IGF2R: variants seen among roughly 807,000 people sequenced by gnomAD.
IGF2R encodes insulin like growth factor 2 receptor, also known as cation-independent mannose-6-phosphate receptor.
Under a neutral mutation model 270.6 loss-of-function variants are expected in IGF2R, and 91 were observed. The ratio of observed to expected loss-of-function variants is 0.34; its 90% CI spans 0.28 to 0.40. The LOEUF (loss-of-function observed/expected upper bound fraction) is 0.40. Among genes scored for constraint, IGF2R ranks in the 10% least tolerant of loss-of-function variants. IGF2R has a pLI of 1.00. For missense variants in IGF2R, 2,805 were observed against 3,188.3 expected (o/e 0.88, Z 2.90); for synonymous variants, 1,316 against 1,258.9 (o/e 1.05, Z -0.96).
intron 1 of IGF2R, among the ~76,000 whole-genome samples, chr6:159,982,298 G>A (rs1783818263): frequency 6.6e-6 from 1 of 152,182 alleles, no homozygotes; most frequent in East Asian, 1.9e-4. Flanking sequence ...TGCTGGATAT[G>A]TATGAGCTGA....
intron 4 of IGF2R, among the ~76,000 whole-genome samples, chr6:160,016,833 A>T (rs891385453): frequency 6.6e-6 from 1 of 152,266 alleles, no homozygotes; most frequent in Non-Finnish European, 1.5e-5. Flanking sequence ...ACTATGCAAC[A>T]TACATTATAG....
intron 44 of IGF2R, chr6:160,093,442 T>G (rs1483463220): frequency 1.0e-5 from 4 of 395,332 alleles, no homozygotes; most frequent in Non-Finnish European, 1.9e-5. Context: ...GCCTCCACCT[T>G]ACTGCACGAT....
intron 4 of IGF2R, among the ~76,000 whole-genome samples, chr6:160,016,848 A>G (rs77153348): frequency 0.059 from 9,001 of 152,346 alleles, 399 homozygotes; most frequent in Non-Finnish European, 0.083. Flanking sequence ...TTATAGTCAC[A>G]TTCTCAGGGC....
chr6:160,081,532 A>G (rs1778982188), intron 39 of IGF2R, among the ~76,000 whole-genome samples: 1 of 152,208 alleles, frequency 6.6e-6, no homozygotes, highest in Non-Finnish European at 1.5e-5. Context: ...GTGAGGGTTC[A>G]AGAGCAGAGA....
intron 19 of IGF2R, among the ~76,000 whole-genome samples, chr6:160,055,937 A>G (rs1778307216): frequency 6.6e-6 from 1 of 152,164 alleles, no homozygotes; most frequent in African/African-American, 2.4e-5. Context: ...GTGAGTGTCC[A>G]TAAACTACAC....
chr6:160,009,160 ATTTC>A, intron 3 of IGF2R, 26 bp downstream of exon 3: 1 of 1,582,912 alleles, frequency 6.3e-7, no homozygotes, highest in African/African-American at 1.4e-5. Flanking sequence ...CACTTGATGT[ATTTC>A]TTTAAAAAAA....
chr6:160,088,804 T>A (rs935957645), intron 42 of IGF2R, among the ~76,000 whole-genome samples: 1 of 152,250 alleles, frequency 6.6e-6, no homozygotes, highest in Non-Finnish European at 1.5e-5. Context: ...ATTGAATGCT[T>A]GCCTGCTTTG....
intron 29 of IGF2R, among the ~76,000 whole-genome samples, chr6:160,065,814 G>GTGTGTATGTATATATATATATATATATA: frequency 3.8e-5 from 3 of 78,390 alleles, no homozygotes; most frequent in African/African-American, 5.6e-5. Context: ...GTGTGTGTGT[G>GTGTGTATGTATATATATATATATATATA]TATATATATA....
chr6:159,993,746 T>C (rs113784778), intron 2 of IGF2R, among the ~76,000 whole-genome samples: 2,118 of 152,296 alleles, frequency 0.014, 49 homozygotes, highest in African/African-American at 0.049. Context: ...AGGATTGTTT[T>C]TCTAATTCTG....
At chr6:160,087,042 C>G (rs1779111096) in intron 41 of IGF2R, among the ~76,000 whole-genome samples, 1 of 152,168 alleles carries the variant, frequency 6.6e-6, no homozygotes, top group South Asian at 2.1e-4. Context: ...GAGTTGGAAC[C>G]TGGCGGCCAT....
At position 160,069,914 on chromosome 6, in the gene IGF2R, G is replaced by A; in HGVS notation, c.4299G>A (p.Lys1433=). 8 of 1,614,254 alleles carry A rather than the reference G, an allele frequency of 5.0e-6. No individual in the cohort carries two copies. Among genetic ancestry groups the A allele is most frequent in the Non-Finnish European group, 5.9e-6 (7 of 1,180,048 alleles). ...EAAACLLGGS[K]PVNLGRVRDG... The stretch of plus-strand genomic sequence containing the variant: ...CCGCGTGTCTGCTGGGTGGCTCCAA[G>A]CCCGTGAACCTCGGCAGGGTAAGGG... The change falls in exon 31 of 48, where the codon AAG becomes AAA. Residue 1433 remains lysine, a synonymous_variant. Transcript: ENST00000356956.
intron 39 of IGF2R, among the ~76,000 whole-genome samples, chr6:160,081,067 A>G (rs1051341155): frequency 5.9e-5 from 9 of 151,446 alleles, no homozygotes; most frequent in African/African-American, 2.2e-4. Flanking sequence ...CGGAGCTTGC[A>G]GTGAGCCGAG....
chr6:160,042,378 C>T lies in IGF2R; in HGVS notation c.1481-770C>T, dbSNP rs79591131. ...GGGTTTTGCCTTCCAAACCCCAGTACCCAACCTGCAAAGGGAGCATTTTCA... is the reference window on the plus strand; with the variant it reads ...GGGTTTTGCCTTCCAAACCCCAGTATCCAACCTGCAAAGGGAGCATTTTCA... On this transcript the variant is annotated intron_variant, in intron 11 of 47. Transcript: ENST00000356956. Among the ~76,000 whole-genome samples, 870 of 152,312 alleles carry T rather than the reference C, an allele frequency of 5.7e-3. 9 individuals are homozygous for T. Among genetic ancestry groups the T allele is most frequent in the African/African-American group, 0.02 (821 of 41,576 alleles).
intron 19 of IGF2R, among the ~76,000 whole-genome samples, chr6:160,054,500 C>T (rs982345283): frequency 4.6e-5 from 7 of 152,062 alleles, no homozygotes; most frequent in East Asian, 1.9e-4. Flanking sequence ...AAGGGATGGA[C>T]GTTGTCAGGT....
rs963040655 is a variant in IGF2R, at chr6:160,032,876, G to T, written c.1046-66G>T. The T allele has an allele frequency of 5.0e-5, 71 of 1,421,320 alleles. No individual in the cohort carries two copies. In the East Asian group the frequency reaches 1.6e-3, roughly 32 times the overall value. 88.0% of individuals were successfully genotyped at this position (1,421,320 alleles called of 1,614,324 possible). ...ATAGGATTCAGGTTTGACTAAGTAA[G>T]ACTGTAATCTTCTAATACCTATTCA... On this transcript the variant is annotated intron_variant, in intron 8 of 47. Coordinates refer to ENST00000356956, the MANE Select transcript of IGF2R (RefSeq NM_000876.4).
At position 160,061,617 on chromosome 6, in the gene IGF2R, A is replaced by G. The variant is rs151180572; in HGVS notation, c.3377A>G (p.Asn1126Ser). Residue 1126 changes from asparagine to serine, a missense_variant, in exon 24 of 48, where the codon AAT becomes AGT. Physicochemically the swap from Asn to Ser is conservative, Grantham distance 46. Around this residue, in one of 2 missense-constraint regions of IGF2R, gnomAD observed 1,851 missense variants for 2,207.2 expected, o/e 0.84. Coordinates refer to ENST00000356956, the MANE Select transcript of IGF2R (RefSeq NM_000876.4). ...RKRTFYLSVC[N>S]PLPYIPGCQG... ...AGGACTTTCTATTTGAGCGTTTGCA[A>G]TCCTCTCCCTTACATTCCTGGATGC... is the stretch of plus-strand genomic sequence containing the variant. 3.4e-3 allele frequency: 5,493 copies of G among 1,614,154 alleles called. 19 individuals are homozygous for G. The highest frequency in any genetic ancestry group is 4.0e-3 in the Non-Finnish European group (4,756 of 1,180,010).
intron 37 of IGF2R, among the ~76,000 whole-genome samples, chr6:160,078,870 A>G (rs1183094032): frequency 1.3e-5 from 2 of 152,178 alleles, no homozygotes; most frequent in African/African-American, 2.4e-5. Flanking sequence ...ATGCCATGCC[A>G]GAGCCCTGGC....
At position 160,043,269 on chromosome 6, in the gene IGF2R, C is replaced by T. The variant is rs772153107; in HGVS notation, c.1602C>T (p.Asp534=). 3.5e-5 allele frequency: 57 copies of T among 1,614,016 alleles called. No individual in the cohort carries two copies. Among genetic ancestry groups the T allele is most frequent in the South Asian group, 1.8e-4 (16 of 91,064 alleles). The stretch of plus-strand genomic sequence containing the variant: ...GCAAGGCACGAGGGTGTCCCGAGGA[C>T]GCGGCAGTGTGTGCAGTGGGTGAGT... ...QEGKARGCPE[D]AAVCAVDKNG... Residue 534 remains aspartate (D), a synonymous_variant, in exon 12 of 48, where the codon GAC becomes GAT. Transcript: ENST00000356956.
intron 11 of IGF2R, among the ~76,000 whole-genome samples, chr6:160,042,879 G>A (rs972031337): frequency 3.3e-5 from 5 of 152,192 alleles, no homozygotes; most frequent in Admixed American, 6.5e-5. Context: ...GAATTTTGCC[G>A]TTCAGTTCTC....
Sources: gnomAD v4.1 joint callset for allele counts (sites outside exome capture counted in the v4.1 genomes callset) on GRCh38, gnomAD v4.1.1 for gene constraint, gnomAD v4.1.1 regional missense constraint, MANE v1.5 for transcripts, NCBI Gene and HGNC (gene_info 2026-07-23, HGNC 2026-07-21) for gene names.